The following SCARA5 variants were observed in gnomAD, a reference collection of about 807,000 sequenced individuals.
The protein encoded by SCARA5 is scavenger receptor class A, member 5 (putative).
Under a neutral mutation model 46.3 loss-of-function variants are expected in SCARA5, and 45 were observed. The ratio of observed to expected loss-of-function variants is 0.97; its 90% CI spans 0.76 to 1.24. The LOEUF is 1.24. Ranked by LOEUF, SCARA5 falls within the 50% of genes most tolerant of loss-of-function variation. The probability of loss-of-function intolerance (pLI) is 0.00; values close to 1 mark genes in which losing one functional copy is unlikely to be tolerated. For synonymous variants in SCARA5, 333 were observed against 306.5 expected (o/e 1.09, Z -0.90); for missense variants, 680 against 689.0 (o/e 0.99, Z 0.15).
intron 3 of SCARA5, among the ~76,000 whole-genome samples, chr8:27,952,441 C>G (rs889527681): frequency 6.6e-6 from 1 of 151,976 alleles, no homozygotes; most frequent in Non-Finnish European, 1.5e-5. Context: ...CTTTATGGAC[C>G]AAGTCCTTGC....
intron 3 of SCARA5, among the ~76,000 whole-genome samples, chr8:27,931,048 T>C (rs143168626): frequency 1.3e-5 from 2 of 152,306 alleles, no homozygotes; most frequent in Non-Finnish European, 2.9e-5. Context: ...TTTACTGAGG[T>C]CTGGATTCAT....
chr8:27,881,816 A>T (rs1026883943), intron 7 of SCARA5, among the ~76,000 whole-genome samples: 3 of 152,158 alleles, frequency 2.0e-5, no homozygotes, highest in African/African-American at 7.2e-5. Flanking sequence ...CCCATTATCA[A>T]CATCCCCTGA....
At chr8:27,916,108 C>A (rs1807456840) in intron 4 of SCARA5, among the ~76,000 whole-genome samples, 1 of 152,160 alleles carries the variant, frequency 6.6e-6, no homozygotes, top group Non-Finnish European at 1.5e-5. Context: ...ACCCCCACTG[C>A]AGATATTCAC....
intron 7 of SCARA5, among the ~76,000 whole-genome samples, chr8:27,901,584 C>G (rs1159945600): frequency 6.6e-6 from 1 of 152,126 alleles, no homozygotes; most frequent in Non-Finnish European, 1.5e-5. Flanking sequence ...GTTAATGCTT[C>G]TGGGACTGGA....
intron 3 of SCARA5, among the ~76,000 whole-genome samples, chr8:27,943,144 G>A (rs1807978887): frequency 6.6e-6 from 1 of 152,160 alleles, no homozygotes; most frequent in African/African-American, 2.4e-5. Context: ...GAAGGGTGGG[G>A]TGTGTTAGGA....
rs139920474 is a variant in SCARA5 at position 27,899,815 on chromosome 8, A to T, written c.1153+4963T>A. ...TACCTGGGACACATTCAACTTCCAC[A>T]TCCACCTGGTGGACATGAACTTACT... is the stretch of plus-strand genomic sequence containing the variant. On this transcript the variant is annotated intron_variant, in intron 7 of 8. Coordinates refer to ENST00000354914, the MANE Select transcript of SCARA5 (RefSeq NM_173833.6). Among the ~76,000 whole-genome samples, 13 of 152,312 alleles carry T rather than the reference A, an allele frequency of 8.5e-5. No homozygotes were observed. In the East Asian group the frequency reaches 2.5e-3, roughly 29 times the overall value.
At chr8:27,894,680 G>A (rs1807034271) in intron 7 of SCARA5, among the ~76,000 whole-genome samples, 1 of 152,170 alleles carries the variant, frequency 6.6e-6, no homozygotes, top group South Asian at 2.1e-4. Flanking sequence ...CACCTCCTCT[G>A]GGAAGGCTTC....
At chr8:27,966,605 C>A in intron 2 of SCARA5, 63 bp from the exon 3 acceptor site, 1 of 1,509,358 alleles carries the variant, frequency 6.6e-7, no homozygotes. Flanking sequence ...AAGCTCTTTT[C>A]TTTTTTGGTC....
intron 3 of SCARA5, among the ~76,000 whole-genome samples, chr8:27,930,942 A>T (rs1157542510): frequency 6.6e-6 from 1 of 152,158 alleles, no homozygotes; most frequent in Non-Finnish European, 1.5e-5. Flanking sequence ...GTCAGAAGGG[A>T]TGGGACGGAA....
At chr8:27,966,386 G>C in intron 3 of SCARA5, 28 bp downstream of exon 3, 3 of 1,579,084 alleles carry the variant, frequency 1.9e-6, no homozygotes, top group Non-Finnish European at 2.6e-6. Context: ...CATCCCAAAA[G>C]ACCAGGACAA....
rs1235180310 is a variant in SCARA5 at position 27,881,712 on chromosome 8, T to C, written c.1154-1946A>G. ...TAATAAACAATAAAATAAAATAGCC[T>C]TTTTTAAAGAGCAGTTTTAGGTTCG... On this transcript the variant is annotated intron_variant, in intron 7 of 8. Transcript: ENST00000354914. 2.0e-5 allele frequency among the ~76,000 whole-genome samples: 3 copies of C among 152,162 alleles called. No individual in the cohort carries two copies. In the East Asian group the frequency reaches 5.8e-4, roughly 29 times the overall value.
intron 7 of SCARA5, among the ~76,000 whole-genome samples, chr8:27,892,725 C>T (rs1807005836): frequency 6.6e-6 from 1 of 151,674 alleles, no homozygotes; most frequent in African/African-American, 2.4e-5. Context: ...TCTGCCTCAG[C>T]CTCCCGAGTA....
At chr8:27,877,328 G>A (rs1343970211) in intron 8 of SCARA5, among the ~76,000 whole-genome samples, 48 of 152,142 alleles carry the variant, frequency 3.2e-4, no homozygotes, top group Admixed American at 1.3e-4. Flanking sequence ...TAGGGCATTC[G>A]TGAAAGCAAG....
chr8:27,967,091 G>T (rs2726938), intron 2 of SCARA5, among the ~76,000 whole-genome samples: 81,813 of 152,036 alleles, frequency 0.54, 22,227 homozygotes, highest in South Asian at 0.66. Context: ...TATTTTTAAG[G>T]GTTGGCAACT....
chr8:27,930,463 C>T (rs982712857), intron 3 of SCARA5, among the ~76,000 whole-genome samples: 5 of 151,484 alleles, frequency 3.3e-5, no homozygotes, highest in East Asian at 1.9e-4. Flanking sequence ...AGTGCAATGG[C>T]GCGATCTCGG....
intron 2 of SCARA5, among the ~76,000 whole-genome samples, chr8:27,978,310 T>G (rs1808559717): frequency 6.6e-6 from 1 of 151,624 alleles, no homozygotes; most frequent in African/African-American, 2.4e-5. Flanking sequence ...GGATTACAGG[T>G]GTGAGCCACC....
At chr8:27,899,511 G>A (rs571119357) in intron 7 of SCARA5, among the ~76,000 whole-genome samples, 3 of 152,228 alleles carry the variant, frequency 2.0e-5, no homozygotes, top group Non-Finnish European at 4.4e-5. Context: ...GATTTGGAAC[G>A]TGGCCTTTCC....
chr8:27,977,986 G>T (rs568280158), intron 2 of SCARA5, among the ~76,000 whole-genome samples: 1 of 150,930 alleles, frequency 6.6e-6, no homozygotes, highest in Admixed American at 6.6e-5. Context: ...ATTCACTAAA[G>T]TGCACTAGTG....
rs1429237804 is a variant in SCARA5 at position 27,992,244 on chromosome 8, T to C, written c.-16+13A>G. 1.3e-5 allele frequency: 2 copies of C among 152,260 alleles called. No homozygotes were observed. The highest frequency in any genetic ancestry group is 4.8e-5 in the African/African-American group (2 of 41,426). 9.4% of individuals were successfully genotyped at this position (152,260 alleles called of 1,614,324 possible). ...TGCCCAGGAGATAGGACAAAATTAG[T>C]ACCAAGACTCACCTGAGTGCCCCTG... On this transcript the variant is annotated intron_variant, in intron 1 of 8. Coordinates refer to ENST00000354914, the MANE Select transcript of SCARA5 (RefSeq NM_173833.6).
Sources: allele counts gnomAD v4.1 joint callset (sites outside exome capture counted in the v4.1 genomes callset), GRCh38; gene constraint gnomAD v4.1.1; transcripts MANE v1.5; gene names NCBI Gene and HGNC (gene_info 2026-07-23, HGNC 2026-07-21).